The following RBM44 variants were observed in gnomAD, a reference collection of about 807,000 sequenced individuals.
The protein encoded by RBM44 is RNA binding motif protein 44.
Under a neutral mutation model 105.1 loss-of-function variants are expected in RBM44, and 66 were observed. The observed-to-expected ratio is 0.63, with a 90% confidence interval of 0.52 to 0.77. RBM44 has a LOEUF of 0.77. RBM44 is among the 30% of genes least tolerant of loss of function. The pLI is 0.00. For synonymous variants in RBM44, 365 were observed against 417.6 expected (o/e 0.87, Z 1.54); for missense variants, 1,122 against 1,207.8 (o/e 0.93, Z 1.05).
intron 1 of RBM44, among the ~76,000 whole-genome samples, chr2:237,812,551 G>A (rs561092757): frequency 8.4e-4 from 128 of 152,270 alleles, no homozygotes; most frequent in Non-Finnish European, 1.5e-3. Flanking sequence ...GTAGAACAGA[G>A]ACAGTACATT....
intron 8 of RBM44, 97 bp downstream of exon 8, chr2:237,821,924 A>G: frequency 1.3e-6 from 1 of 762,536 alleles, no homozygotes. Flanking sequence ...CCTTCTTTTC[A>G]CTCAACTGGC....
At position 237,834,332 on chromosome 2, in the gene RBM44, G is replaced by A; in HGVS notation, c.3087G>A (p.Leu1029=). The A allele has an allele frequency of 6.4e-7, 1 of 1,571,780 alleles. No individual in the cohort carries two copies. The highest frequency in any genetic ancestry group is 1.2e-5 in the South Asian group (1 of 83,930). Residue 1029 remains leucine (L), a synonymous_variant, in exon 15 of 16, where the codon CTG becomes CTA. Coordinates refer to ENST00000316997, the MANE Select transcript of RBM44 (RefSeq NM_001080504.3). ...TGAGAATAAGACATAAAGGTTTTCT[G>A]AATGGCTTATCTATTACTACTATTG... The part of the protein sequence containing the change: ...QEVRIRHKGF[L]NGLSITTIVE...
intron 8 of RBM44, among the ~76,000 whole-genome samples, chr2:237,822,290 G>A (rs562741760): frequency 2.0e-5 from 3 of 152,144 alleles, no homozygotes; most frequent in African/African-American, 7.2e-5. Flanking sequence ...ATTTTTAAAT[G>A]CCTGTCATAG....
At chr2:237,814,896 AC>A (rs68146112) in intron 2 of RBM44, among the ~76,000 whole-genome samples, 98,400 of 149,042 alleles carry the variant, frequency 0.66, 34,221 homozygotes, top group African/African-American at 0.91. Flanking sequence ...GTTAACCCCC[AC>A]CCCCCCCTAC....
At chr2:237,826,277 T>A (rs1457139137) in intron 10 of RBM44, among the ~76,000 whole-genome samples, 1 of 152,184 alleles carries the variant, frequency 6.6e-6, no homozygotes. Flanking sequence ...ACTTCCTGTG[T>A]GCCAGGTATG....
At chr2:237,825,354 C>T (rs997935474) in intron 10 of RBM44, among the ~76,000 whole-genome samples, 2 of 152,068 alleles carry the variant, frequency 1.3e-5, no homozygotes, top group East Asian at 1.9e-4. Context: ...TACAGGTGCC[C>T]GCCACAACAC....
chr2:237,801,083 C>G (rs1224783698), intron 1 of RBM44, among the ~76,000 whole-genome samples: 1 of 152,136 alleles, frequency 6.6e-6, no homozygotes, highest in Non-Finnish European at 1.5e-5. Flanking sequence ...TGCCTGTAAT[C>G]CCAACACTTT....
intron 1 of RBM44, among the ~76,000 whole-genome samples, chr2:237,812,547 C>T (rs1371470659): frequency 3.9e-5 from 6 of 152,154 alleles, no homozygotes; most frequent in African/African-American, 9.7e-5. Context: ...CCTTGTAGAA[C>T]AGAGACAGTA....
At chr2:237,800,543 T>C (rs1045039831) in intron 1 of RBM44, among the ~76,000 whole-genome samples, 4 of 152,380 alleles carry the variant, frequency 2.6e-5, no homozygotes, top group Admixed American at 1.3e-4. Flanking sequence ...CAGCTTGAGA[T>C]AGTGTTGCTC....
chr2:237,811,389 C>T (rs932518841), intron 1 of RBM44, among the ~76,000 whole-genome samples: 1 of 152,134 alleles, frequency 6.6e-6, no homozygotes, highest in South Asian at 2.1e-4. Context: ...TCACCCCAAC[C>T]TCCTGAGTAG....
intron 1 of RBM44, among the ~76,000 whole-genome samples, chr2:237,808,278 A>C (rs1021299517): frequency 2.0e-5 from 3 of 152,006 alleles, no homozygotes; most frequent in Non-Finnish European, 4.4e-5. Context: ...GCAAAATCCC[A>C]TCTCTACAAA....
At chr2:237,834,191 A>G in intron 14 of RBM44, 49 bp downstream of exon 14, 1 of 1,528,856 alleles carries the variant, frequency 6.5e-7, no homozygotes, top group Non-Finnish European at 8.8e-7. Context: ...CTGTGTAAAA[A>G]TATAGTTCAA....
Position 237,834,094 on chromosome 2 carries a change from T to C in RBM44, c.2984T>C (p.Phe995Ser), listed in dbSNP as rs771983719. 4 of 1,583,504 alleles carry C rather than the reference T, an allele frequency of 2.5e-6. No homozygotes were observed. Among genetic ancestry groups the C allele is most frequent in the Non-Finnish European group, 3.4e-6 (4 of 1,162,880 alleles). ...IPPNTLNLRS[F>S]TKIIKRLAEL... is the part of the protein sequence containing the mutation. ...CCAAATACATTGAACCTTCGTAGCTTTACCAAGATCATAAAGAGACTGGCT... is the reference window on the plus strand; with the variant it reads ...CCAAATACATTGAACCTTCGTAGCTCTACCAAGATCATAAAGAGACTGGCT... Residue 995 changes from phenylalanine to serine, a missense_variant, in exon 14 of 16, where the codon TTT becomes TCT. By Grantham distance (155) the Phe-to-Ser change is radical. Coordinates refer to ENST00000316997, the MANE Select transcript of RBM44 (RefSeq NM_001080504.3).
At chr2:237,828,202 T>A (rs535358104) in intron 12 of RBM44, among the ~76,000 whole-genome samples, 1 of 152,158 alleles carries the variant, frequency 6.6e-6, no homozygotes, top group Non-Finnish European at 1.5e-5. Flanking sequence ...TGGCGATAGC[T>A]TAATGGAAAT....
intron 10 of RBM44, among the ~76,000 whole-genome samples, chr2:237,825,629 C>T (rs2150984456): frequency 6.6e-6 from 1 of 152,328 alleles, no homozygotes; most frequent in South Asian, 2.1e-4. Flanking sequence ...CTCATTAGCT[C>T]AGTGAGCTCA....
chr2:237,803,254 G>A lies in RBM44; in HGVS notation c.-19+4393G>A, dbSNP rs1430810146. Among the ~76,000 whole-genome samples, 4 of 150,876 alleles carry A rather than the reference G, an allele frequency of 2.7e-5. No individual in the cohort carries two copies. The highest frequency in any genetic ancestry group is 9.8e-5 in the African/African-American group (4 of 40,792). ...TGCACTCCAGCCTGGGCGACAGAGCGAGACACACACACACACACAGTCTCT... is the reference window on the plus strand; with the variant it reads ...TGCACTCCAGCCTGGGCGACAGAGCAAGACACACACACACACACAGTCTCT... On this transcript the variant is annotated intron_variant, in intron 1 of 15. Coordinates refer to ENST00000316997, the MANE Select transcript of RBM44 (RefSeq NM_001080504.3). This position sits in a 1 kb window ranked among gnomAD's most constrained non-coding sequence, Gnocchi z 4.2.
chr2:237,828,426 C>A (rs2061870821), intron 12 of RBM44, among the ~76,000 whole-genome samples: 1 of 151,982 alleles, frequency 6.6e-6, no homozygotes, highest in African/African-American at 2.4e-5. Flanking sequence ...GTATTGTAAT[C>A]CTAGGATTAT....
At chr2:237,826,133 T>C (rs1276861636) in intron 10 of RBM44, among the ~76,000 whole-genome samples, 1 of 152,120 alleles carries the variant, frequency 6.6e-6, no homozygotes, top group African/African-American at 2.4e-5. Flanking sequence ...GGATAAGTGT[T>C]AGGCTACTCT....
chr2:237,839,428 G>C (rs114041679), intron 15 of RBM44, among the ~76,000 whole-genome samples: 1 of 152,034 alleles, frequency 6.6e-6, no homozygotes, highest in African/African-American at 2.4e-5. Flanking sequence ...GCGCCAACAC[G>C]TCCATCTAAT....
Sources: allele counts gnomAD v4.1 joint callset (sites outside exome capture counted in the v4.1 genomes callset), GRCh38; gene constraint gnomAD v4.1.1; non-coding constraint Gnocchi (gnomAD v3.1); transcripts MANE v1.5; gene names NCBI Gene and HGNC (gene_info 2026-07-23, HGNC 2026-07-21).